CTNNA2: variants seen among roughly 807,000 people sequenced by gnomAD.
CTNNA2 encodes the protein catenin alpha 2.
A neutral mutation model predicts 101.0 loss-of-function variants in CTNNA2; 42 were observed. That is an observed-to-expected ratio of 0.42 (90% confidence interval 0.32 to 0.54). The LOEUF (loss-of-function observed/expected upper bound fraction) is 0.54. CTNNA2 is among the 20% of genes least tolerant of loss of function. The probability of loss-of-function intolerance (pLI) is 0.14; values close to 1 mark genes in which losing one functional copy is unlikely to be tolerated. For missense variants in CTNNA2, 871 were observed against 1,223.1 expected (o/e 0.71, Z 4.29); for synonymous variants, 450 against 456.4 (o/e 0.99, Z 0.18).
At chr2:79,310,498 C>G (rs549952009) in intron 2 of CTNNA2, among the ~76,000 whole-genome samples, 2 of 152,322 alleles carry the variant, frequency 1.3e-5, no homozygotes, top group South Asian at 4.1e-4. Context: ...AGATTATTAA[C>G]AGACTCTTCC....
chr2:80,132,386 C>G (rs551493418), intron 7 of CTNNA2, among the ~76,000 whole-genome samples: 45 of 152,174 alleles, frequency 3.0e-4, no homozygotes, highest in Non-Finnish European at 5.7e-4. Context: ...ATCTTCCTTC[C>G]AGATATGCTC....
At chr2:80,297,972 TGG>T (rs1440807954) in intron 7 of CTNNA2, among the ~76,000 whole-genome samples, 14 of 150,588 alleles carry the variant, frequency 9.3e-5, no homozygotes, top group African/African-American at 2.7e-4. Context: ...TGCGCGTGTA[TGG>T]GTGTGTGTGT....
chr2:79,345,778 C>T (rs1379196725), intron 3 of CTNNA2, among the ~76,000 whole-genome samples: 1 of 151,924 alleles, frequency 6.6e-6, no homozygotes, highest in Non-Finnish European at 1.5e-5. Flanking sequence ...CTGCAACCTC[C>T]GCCTCCAAGG....
At chr2:80,406,449 G>C (rs1679070227) in intron 8 of CTNNA2, among the ~76,000 whole-genome samples, 1 of 152,070 alleles carries the variant, frequency 6.6e-6, no homozygotes, top group South Asian at 2.1e-4. Context: ...ACTCTGAGCA[G>C]ACTTCTTCAG....
At chr2:79,289,119 T>C (rs72917222) in intron 2 of CTNNA2, among the ~76,000 whole-genome samples, 1 of 152,138 alleles carries the variant, frequency 6.6e-6, no homozygotes, top group Non-Finnish European at 1.5e-5. Flanking sequence ...GAATCTATTT[T>C]CTTCCAAATT....
intron 2 of CTNNA2, among the ~76,000 whole-genome samples, chr2:79,724,709 G>A (rs1157225004): frequency 1.3e-5 from 2 of 151,018 alleles, no homozygotes; most frequent in Non-Finnish European, 2.9e-5. Context: ...CAGCTACTTT[G>A]GAGGCTGAGG....
At chr2:80,089,058 G>A (rs922774863) in intron 7 of CTNNA2, among the ~76,000 whole-genome samples, 2 of 151,922 alleles carry the variant, frequency 1.3e-5, no homozygotes, top group African/African-American at 2.4e-5. Context: ...ACATTCATGC[G>A]TGGAAGACCT....
chr2:80,312,320 T>C (rs1355676959), intron 7 of CTNNA2, among the ~76,000 whole-genome samples: 1 of 152,168 alleles, frequency 6.6e-6, no homozygotes, highest in Non-Finnish European at 1.5e-5. Context: ...TGATGGGCTA[T>C]TTAAAGAGGG....
chr2:80,468,603 A>C (rs1485557822), intron 9 of CTNNA2, among the ~76,000 whole-genome samples: 3 of 152,080 alleles, frequency 2.0e-5, no homozygotes, highest in Non-Finnish European at 4.4e-5. Flanking sequence ...TTTTTAGTAG[A>C]GACGGGGTTT....
chr2:80,248,814 G>A (rs13425842), intron 7 of CTNNA2, among the ~76,000 whole-genome samples: 2 of 152,144 alleles, frequency 1.3e-5, no homozygotes, highest in Non-Finnish European at 2.9e-5. Context: ...GCCCAGTTTA[G>A]TAGTGAAGCA....
At chr2:79,886,853 G>T (rs967956041) in intron 6 of CTNNA2, among the ~76,000 whole-genome samples, 12 of 150,498 alleles carry the variant, frequency 8.0e-5, no homozygotes, top group Admixed American at 4.6e-4. Flanking sequence ...TTGAGACAGG[G>T]TCTCCCTCTG....
At chr2:79,378,878 G>T (rs1046666327) in intron 4 of CTNNA2, among the ~76,000 whole-genome samples, 1 of 152,000 alleles carries the variant, frequency 6.6e-6, no homozygotes, top group African/African-American at 2.4e-5. Flanking sequence ...TCTGAGAGTG[G>T]CACTGACCTG....
At chr2:79,546,642 A>G (rs994331530) in intron 1 of CTNNA2, among the ~76,000 whole-genome samples, 3 of 152,150 alleles carry the variant, frequency 2.0e-5, no homozygotes, top group African/African-American at 7.2e-5. Context: ...CTGCCCTGCT[A>G]CAAACCAAAA....
At chr2:80,587,953 C>T (rs1476758986) in intron 14 of CTNNA2, among the ~76,000 whole-genome samples, 1 of 152,114 alleles carries the variant, frequency 6.6e-6, no homozygotes, top group Non-Finnish European at 1.5e-5. Flanking sequence ...TCTCATTACT[C>T]CTGATAGTTA....
At chr2:79,281,113 T>C (rs1430659051) in intron 2 of CTNNA2, among the ~76,000 whole-genome samples, 1 of 152,078 alleles carries the variant, frequency 6.6e-6, no homozygotes, top group Non-Finnish European at 1.5e-5. Flanking sequence ...TCTCAAGATA[T>C]GCTTCTGGGA....
At chr2:80,589,581 T>C in intron 15 of CTNNA2, 96 bp downstream of exon 15, 1 of 1,171,330 alleles carries the variant, frequency 8.5e-7, no homozygotes, top group Non-Finnish European at 1.2e-6. Flanking sequence ...AAAATTAAAA[T>C]ATACCAACGC....
At chr2:79,398,242 G>T (rs371907163) in intron 4 of CTNNA2, among the ~76,000 whole-genome samples, 3 of 152,106 alleles carry the variant, frequency 2.0e-5, no homozygotes, top group Non-Finnish European at 4.4e-5. Flanking sequence ...AATGGGATAC[G>T]GACGAGCTGT....
intron 4 of CTNNA2, among the ~76,000 whole-genome samples, chr2:79,463,984 A>G (rs1670905657): frequency 9.5e-6 from 1 of 104,984 alleles, no homozygotes; most frequent in Non-Finnish European, 2.2e-5. Flanking sequence ...GCTTAAAGAA[A>G]GTTTTTTTTT....
chr2:80,164,939 G>GTTTTTTTTTTT (rs774573996), intron 7 of CTNNA2, among the ~76,000 whole-genome samples: 9 of 99,256 alleles, frequency 9.1e-5, no homozygotes, highest in African/African-American at 3.8e-4. Flanking sequence ...CCAACTTTTG[G>GTTTTTTTTTTT]TTTTTTTTTT....
Sources: allele counts gnomAD v4.1 joint callset (sites outside exome capture counted in the v4.1 genomes callset), GRCh38; gene constraint gnomAD v4.1.1; transcripts MANE v1.5; gene names NCBI Gene and HGNC (gene_info 2026-07-23, HGNC 2026-07-21).